The following CORO7 variants were observed in gnomAD, a reference collection of about 807,000 sequenced individuals.
CORO7 encodes coronin-7.
Under a neutral mutation model 126.6 loss-of-function variants are expected in CORO7, and 107 were observed. The ratio of observed to expected loss-of-function variants is 0.85; its 90% CI spans 0.72 to 0.99. The LOEUF is 0.99. CORO7 is among the 50% of genes least tolerant of loss of function. The pLI is 0.00. For missense variants in CORO7, 1,314 were observed against 1,255.8 expected (o/e 1.05, Z -0.70); for synonymous variants, 603 against 536.8 (o/e 1.12, Z -1.70).
chr16:4,407,881 A>C (rs1020685882), intron 4 of CORO7, among the ~76,000 whole-genome samples, 197 bp from the exon 5 acceptor site: 1 of 152,044 alleles, frequency 6.6e-6, no homozygotes, highest in Non-Finnish European at 1.5e-5. Context: ...GAAAGGAGGG[A>C]GGGAATCTCA....
chr16:4,355,044 T>G lies in CORO7; in HGVS notation c.*114A>C. The G allele has an allele frequency of 3.3e-6, 4 of 1,209,914 alleles. No homozygotes were observed. The highest frequency in any genetic ancestry group is 1.5e-5 in the African/African-American group (1 of 64,520). 74.9% of individuals were successfully genotyped at this position (1,209,914 alleles called of 1,614,324 possible). ...GGAAGTGCCCACGGGAAGGCAGGAG[T>G]GCAGGGGTGACATGTGCCGGGGCCA... On this transcript the variant is annotated 3_prime_UTR_variant, in exon 28 of 28. Coordinates refer to ENST00000251166, the MANE Select transcript of CORO7 (RefSeq NM_024535.5).
At chr16:4,371,407 C>A (rs2141214019) in intron 9 of CORO7, among the ~76,000 whole-genome samples, 1 of 152,286 alleles carries the variant, frequency 6.6e-6, no homozygotes, top group South Asian at 2.1e-4. Flanking sequence ...ATCTGGATTT[C>A]CAGTTTCTCT....
intron 7 of CORO7, among the ~76,000 whole-genome samples, chr16:4,394,463 A>C (rs1019467202): frequency 7.9e-5 from 12 of 152,024 alleles, no homozygotes; most frequent in South Asian, 2.1e-4. Context: ...AAAAAAAAAA[A>C]AAAACTCTCT....
chr16:4,382,281 C>G, intron 9 of CORO7: 1 of 1,608,680 alleles, frequency 6.2e-7, no homozygotes, highest in Non-Finnish European at 8.5e-7. Context: ...CCCTGGGCAT[C>G]GAGCCGGTGA....
At chr16:4,387,144 C>G (rs1222364853) in intron 9 of CORO7, among the ~76,000 whole-genome samples, 1 of 152,164 alleles carries the variant, frequency 6.6e-6, no homozygotes, top group African/African-American at 2.4e-5. Flanking sequence ...CCCTGTCTCT[C>G]CACCCCGGCC....
At position 4,380,050 on chromosome 16, in the gene CORO7, T is replaced by A. The variant is rs1479888665; in HGVS notation, c.785+7936A>T. On this transcript the variant is annotated intron_variant, in intron 9 of 27. Coordinates refer to ENST00000251166, the MANE Select transcript of CORO7 (RefSeq NM_024535.5). ...TCCAGCTTGGGTGACAGAGCAAGAC[T>A]CCGTCTCAAAAAAAAAAAAAAAAAA... Among the ~76,000 whole-genome samples the A allele has an allele frequency of 5.7e-5, 8 of 140,364 alleles. No homozygotes were observed. The Admixed American group carries it at 5.8e-4, about 10-fold the overall frequency. The allele number at this position is 140,364 out of a possible 152,430, so 92.1% of individuals were successfully genotyped here. A position where few individuals can be genotyped will look rare whatever the true frequency, so the allele number is the denominator to read the frequency against.
At chr16:4,364,165 GAC>G in intron 14 of CORO7, 109 bp downstream of exon 14, 1 of 1,346,224 alleles carries the variant, frequency 7.4e-7, no homozygotes, top group Non-Finnish European at 9.6e-7. Flanking sequence ...TAGCTTGGGT[GAC>G]AGAGTGAGAC....
At chr16:4,397,015 C>CAAA (rs1236918347) in intron 6 of CORO7, among the ~76,000 whole-genome samples, 5 of 120,238 alleles carry the variant, frequency 4.2e-5, no homozygotes, top group African/African-American at 1.0e-4. Context: ...GACTCAATCT[C>CAAA]AAAAAAAAAA....
At chr16:4,375,157 C>A (rs754835789) in intron 9 of CORO7, among the ~76,000 whole-genome samples, 1 of 152,252 alleles carries the variant, frequency 6.6e-6, no homozygotes, top group African/African-American at 2.4e-5. Context: ...GAGCTGGGGC[C>A]TGGCCTTAGT....
chr16:4,369,534 G>A (rs1310420032), intron 9 of CORO7, among the ~76,000 whole-genome samples: 1 of 152,224 alleles, frequency 6.6e-6, no homozygotes, highest in Non-Finnish European at 1.5e-5. Context: ...CCCTCAGCCA[G>A]GTCCCAGGAG....
intron 9 of CORO7, chr16:4,382,953 G>T (rs2055054379): frequency 6.9e-7 from 1 of 1,439,076 alleles, no homozygotes; most frequent in African/African-American, 1.4e-5. Flanking sequence ...GAGATGGCCA[G>T]CCCCCTCCTG....
At chr16:4,415,426 C>G (rs533337590) in intron 1 of CORO7, among the ~76,000 whole-genome samples, 68 of 152,264 alleles carry the variant, frequency 4.5e-4, no homozygotes, top group Non-Finnish European at 8.5e-4. Context: ...ATCCCAGTCC[C>G]TCATGTGTGT....
chr16:4,396,756 C>CTACA (rs745904744), intron 6 of CORO7, among the ~76,000 whole-genome samples: 4 of 152,238 alleles, frequency 2.6e-5, no homozygotes, highest in Non-Finnish European at 5.9e-5. Context: ...TGGCTCACGC[C>CTACA]TGTAATCCCA....
chr16:4,411,949 G>A (rs1160284178), intron 3 of CORO7, among the ~76,000 whole-genome samples: 1 of 151,994 alleles, frequency 6.6e-6, no homozygotes, highest in East Asian at 1.9e-4. Context: ...CACCCCTGCA[G>A]CCCAACACAG....
Position 4,358,062 on chromosome 16 carries a change from C to T in CORO7, c.2499G>A (p.Val833=), listed in dbSNP as rs144324307. The T allele has an allele frequency of 8.6e-4, 1,388 of 1,613,214 alleles. 1 individual carries two copies. The highest frequency in any genetic ancestry group is 1.1e-3 in the Non-Finnish European group (1,290 of 1,179,524). Residue 833 remains valine (V), a synonymous_variant, in exon 25 of 28, where the codon GTG becomes GTA. Transcript: ENST00000251166. ...CGGCACTGAGCACAGGCTCCCAGAT[C>T]ACAGCCGTGTCTGGGAACACGTCAT... The part of the protein sequence containing the change: ...FQDDVFPDTA[V]IWEPVLSAEA...
Position 4,400,797 on chromosome 16 carries a change from CAATAATAATAATAAT to C in CORO7, c.564+4679_564+4693del, listed in dbSNP as rs373023916. Among the ~76,000 whole-genome samples, 160 of 139,338 alleles carry C rather than the reference CAATAATAATAATAAT, an allele frequency of 1.1e-3. 1 individual carries two copies. Among genetic ancestry groups the C allele is most frequent in the African/African-American group, 4.0e-3 (151 of 37,636 alleles). 91.4% of individuals were successfully genotyped at this position (139,338 alleles called of 152,430 possible). On this transcript the variant is annotated intron_variant, in intron 6 of 27. Coordinates refer to ENST00000251166, the MANE Select transcript of CORO7 (RefSeq NM_024535.5). ...ATCGTGCCAATGCACTCCAGCAGTG[CAATAATAATAATAAT>C]AATAATAATAATAATAATAATGTTT...
chr16:4,398,878 G>T (rs2055698922), intron 6 of CORO7, among the ~76,000 whole-genome samples: 1 of 150,836 alleles, frequency 6.6e-6, no homozygotes, highest in Non-Finnish European at 1.5e-5. Flanking sequence ...TGAGGCAGGA[G>T]AATCGCATGA....
At chr16:4,413,647 C>G (rs1275337102) in intron 1 of CORO7, among the ~76,000 whole-genome samples, 2 of 152,036 alleles carry the variant, frequency 1.3e-5, no homozygotes, top group African/African-American at 2.4e-5. Flanking sequence ...AAGTGATCCT[C>G]CTGCCTCAGC....
Position 4,395,352 on chromosome 16 carries a change from AGAG to A in CORO7, c.565-16_565-14del. 1 of 1,613,898 alleles carries A rather than the reference AGAG, an allele frequency of 6.2e-7. No homozygotes were observed. The highest frequency in any genetic ancestry group is 8.5e-7 in the Non-Finnish European group (1 of 1,180,014). On this transcript the variant is annotated splice_polypyrimidine_tract_variant and intron_variant, in intron 6 of 27. Transcript: ENST00000251166. Reference sequence around the variant, plus strand: ...GCAGCTGCTTGTCCTGGAAAAGCAGAGAGGAGGAAACAACTTGCGATTAGGGCT... The same window carrying A: ...GCAGCTGCTTGTCCTGGAAAAGCAGAGAGGAAACAACTTGCGATTAGGGCT...
Sources: allele counts gnomAD v4.1 joint callset (sites outside exome capture counted in the v4.1 genomes callset), GRCh38; gene constraint gnomAD v4.1.1; transcripts MANE v1.5; gene names NCBI Gene and HGNC (gene_info 2026-07-23, HGNC 2026-07-21).